TACC2: variants seen among roughly 807,000 people sequenced by gnomAD.
The protein encoded by TACC2 is transforming acidic coiled-coil-containing protein 2.
TACC2 carries 137 observed loss-of-function variants against 227.3 expected under a neutral mutation model. The observed-to-expected ratio is 0.60, with a 90% CI of 0.52 to 0.69. The LOEUF is 0.69. Among genes scored for constraint, TACC2 ranks in the 30% least tolerant of loss-of-function variants. The probability of loss-of-function intolerance (pLI) is 0.00; values close to 1 mark genes in which losing one functional copy is unlikely to be tolerated. For missense variants in TACC2, 3,470 were observed against 3,694.4 expected (o/e 0.94, Z 1.57); for synonymous variants, 1,523 against 1,487.5 (o/e 1.02, Z -0.55).
intron 6 of TACC2, among the ~76,000 whole-genome samples, chr10:122,134,210 C>T (rs1358812765): frequency 2.7e-5 from 4 of 149,298 alleles, no homozygotes; most frequent in African/African-American, 1.0e-4. Flanking sequence ...CTCACTCTGT[C>T]ACCAAGGCTG....
chr10:122,047,392 C>A (rs1328173169), intron 2 of TACC2, among the ~76,000 whole-genome samples: 1 of 150,688 alleles, frequency 6.6e-6, no homozygotes, highest in Non-Finnish European at 1.5e-5. Flanking sequence ...TGATAATGTC[C>A]TATGGGGATG....
At chr10:122,100,898 G>A (rs1336523485) in intron 5 of TACC2, among the ~76,000 whole-genome samples, 1 of 152,124 alleles carries the variant, frequency 6.6e-6, no homozygotes, top group Non-Finnish European at 1.5e-5. Context: ...TGCCTGCCTT[G>A]CCCCTCCCTC....
chr10:122,144,338 A>G (rs1233394142), intron 7 of TACC2, among the ~76,000 whole-genome samples: 2 of 152,246 alleles, frequency 1.3e-5, no homozygotes, highest in East Asian at 3.8e-4. Context: ...TCTGGGTTCA[A>G]TGGGCCAGCC....
chr10:122,125,577 A>G (rs1406219585), intron 5 of TACC2, among the ~76,000 whole-genome samples: 1 of 151,960 alleles, frequency 6.6e-6, no homozygotes, highest in Non-Finnish European at 1.5e-5. Context: ...TCATGGCTAG[A>G]CCCTGGGTGT....
chr10:122,075,401 G>T (rs567474304), intron 3 of TACC2, among the ~76,000 whole-genome samples: 1 of 152,142 alleles, frequency 6.6e-6, no homozygotes, highest in Non-Finnish European at 1.5e-5. Context: ...AGAAGGGGCT[G>T]CATTGTGGTA....
chr10:122,188,745 G>C (rs891980647), intron 7 of TACC2, among the ~76,000 whole-genome samples: 1 of 152,204 alleles, frequency 6.6e-6, no homozygotes, highest in Admixed American at 6.5e-5. Flanking sequence ...GACGGCGATG[G>C]CCAGCGCCCC....
intron 7 of TACC2, among the ~76,000 whole-genome samples, chr10:122,190,900 G>A (rs949971846): frequency 5.3e-5 from 8 of 152,220 alleles, no homozygotes; most frequent in South Asian, 4.2e-4. Flanking sequence ...ATTACATATC[G>A]TAAAATGCTA....
intron 8 of TACC2, among the ~76,000 whole-genome samples, chr10:122,207,952 C>T (rs2095177805): frequency 6.6e-6 from 1 of 152,138 alleles, no homozygotes; most frequent in Non-Finnish European, 1.5e-5. Context: ...CCCTCAGCAT[C>T]CCCTGGTCCT....
chr10:122,215,127 C>T (rs779102848), intron 9 of TACC2, among the ~76,000 whole-genome samples: 9 of 152,184 alleles, frequency 5.9e-5, no homozygotes, highest in Non-Finnish European at 8.8e-5. Flanking sequence ...AATTTAGCTT[C>T]ATTTTCTGGG....
intron 3 of TACC2, among the ~76,000 whole-genome samples, chr10:122,064,188 T>A (rs2077149541): frequency 6.6e-6 from 1 of 152,042 alleles, no homozygotes; most frequent in African/African-American, 2.4e-5. Context: ...TGTGTGTGTG[T>A]GTATATAATT....
chr10:122,245,162 T>G (rs947239520), intron 19 of TACC2: 1 of 152,226 alleles, frequency 6.6e-6, no homozygotes, highest in Non-Finnish European at 1.5e-5. Context: ...TTTTGCTTTG[T>G]GTATTGCTGC....
intron 8 of TACC2, among the ~76,000 whole-genome samples, chr10:122,199,235 A>C (rs1418269287): frequency 6.6e-6 from 1 of 152,186 alleles, no homozygotes; most frequent in Non-Finnish European, 1.5e-5. Context: ...GGGTATACAG[A>C]TTCACAGCCA....
intron 16 of TACC2, among the ~76,000 whole-genome samples, chr10:122,234,072 C>T (rs2095811183): frequency 6.6e-6 from 1 of 152,326 alleles, no homozygotes; most frequent in South Asian, 2.1e-4. Flanking sequence ...CTCACCCCTC[C>T]GTGGCCCCTC....
At chr10:122,011,760 G>A (rs745445753) in intron 1 of TACC2, among the ~76,000 whole-genome samples, 1 of 152,172 alleles carries the variant, frequency 6.6e-6, no homozygotes, top group Non-Finnish European at 1.5e-5. Context: ...TCTTATTAAC[G>A]TTGGAACCAA....
intron 18 of TACC2, among the ~76,000 whole-genome samples, chr10:122,239,735 G>C (rs939073861): frequency 1.3e-5 from 2 of 152,076 alleles, no homozygotes; most frequent in Non-Finnish European, 2.9e-5. Context: ...GGGCCCCCAG[G>C]AGGTGCCATT....
intron 7 of TACC2, among the ~76,000 whole-genome samples, chr10:122,160,241 T>C (rs897914349): frequency 1.3e-5 from 2 of 152,224 alleles, no homozygotes; most frequent in Non-Finnish European, 2.9e-5. Flanking sequence ...TAGGAAGGTT[T>C]GCAGTGGAGC....
At chr10:122,056,565 G>A (rs1028092475) in intron 3 of TACC2, among the ~76,000 whole-genome samples, 6 of 152,220 alleles carry the variant, frequency 3.9e-5, no homozygotes, top group African/African-American at 1.4e-4. Flanking sequence ...CCACGCGGCT[G>A]TGTGACCACC....
At chr10:122,115,295 T>A (rs1193106046) in intron 5 of TACC2, among the ~76,000 whole-genome samples, 5 of 42,412 alleles carry the variant, frequency 1.2e-4, no homozygotes, top group Admixed American at 2.9e-4. Flanking sequence ...TGTGTGTGTG[T>A]GTGTGTGTGT....
intron 7 of TACC2, among the ~76,000 whole-genome samples, chr10:122,151,395 C>G (rs1224092824): frequency 6.6e-6 from 1 of 151,894 alleles, no homozygotes; most frequent in Non-Finnish European, 1.5e-5. Flanking sequence ...GGAAGAGGAA[C>G]CAAATGTGCC....
Sources: gnomAD v4.1 joint callset for allele counts (sites outside exome capture counted in the v4.1 genomes callset) on GRCh38, gnomAD v4.1.1 for gene constraint, MANE v1.5 for transcripts, NCBI Gene and HGNC (gene_info 2026-07-23, HGNC 2026-07-21) for gene names.